The following RIMKLB variants were observed in gnomAD, a reference collection of about 807,000 sequenced individuals.
The protein encoded by RIMKLB is ribosomal modification protein rimK like family member B, also known as beta-citrylglutamate synthase B.
In RIMKLB, 7 loss-of-function variants were observed where a neutral mutation model predicts 32.0. That is an observed-to-expected ratio of 0.22 (90% CI 0.12 to 0.41). RIMKLB has a LOEUF of 0.41. Among genes scored for constraint, RIMKLB ranks in the 10% least tolerant of loss-of-function variants. RIMKLB has a pLI of 1.00. For synonymous variants in RIMKLB, 172 were observed against 185.1 expected (o/e 0.93, Z 0.57); for missense variants, 289 against 498.7 (o/e 0.58, Z 4.00).
the RIMKLB span, among the ~76,000 whole-genome samples, chr12:8,670,822 T>A: frequency 6.6e-6 from 1 of 152,232 alleles, no homozygotes; most frequent in East Asian, 1.9e-4. Flanking sequence ...GCAGCAAACT[T>A]TTGCTTGGGC....
At chr12:8,693,114 A>T (rs1591605226), upstream of RIMKLB, among the ~76,000 whole-genome samples, 1 of 152,190 alleles carries the variant, frequency 6.6e-6, no homozygotes, top group African/African-American at 2.4e-5. Context: ...TTTGCAACAG[A>T]TGATGTGTAT....
intron 5 of RIMKLB, among the ~76,000 whole-genome samples, chr12:8,758,086 T>C (rs12306562): frequency 0.067 from 10,127 of 152,052 alleles, 1,100 homozygotes; most frequent in African/African-American, 0.22. Flanking sequence ...CGTGAGCCAC[T>C]GCGCCTGGCC....
downstream of RIMKLB, chr12:8,777,720 T>A (rs1346883984): frequency 7.1e-6 from 9 of 1,260,116 alleles, no homozygotes; most frequent in Non-Finnish European, 9.3e-6. Flanking sequence ...CCTTCTAAAC[T>A]CCCCTTCCCC....
chr12:8,744,052 C>T (rs1284695878), intron 2 of RIMKLB, among the ~76,000 whole-genome samples: 1 of 151,888 alleles, frequency 6.6e-6, no homozygotes, highest in African/African-American at 2.4e-5. Flanking sequence ...CAATTATGTG[C>T]ATCTGTTTAC....
At chr12:8,739,201 A>C (rs1168051631) in intron 2 of RIMKLB, among the ~76,000 whole-genome samples, 1 of 152,144 alleles carries the variant, frequency 6.6e-6, no homozygotes, top group Non-Finnish European at 1.5e-5. Context: ...GGTAAGTTCG[A>C]TATCAAGGTA....
intron 1 of RIMKLB, among the ~76,000 whole-genome samples, chr12:8,702,765 A>G (rs1029782182): frequency 6.6e-6 from 1 of 152,224 alleles, no homozygotes; most frequent in African/African-American, 2.4e-5. Context: ...CATGTGATTT[A>G]GTTAGCCATA....
chr12:8,671,260 T>C, the RIMKLB span, among the ~76,000 whole-genome samples: 1 of 152,126 alleles, frequency 6.6e-6, no homozygotes, highest in Non-Finnish European at 1.5e-5. Context: ...CTTTCTTCTT[T>C]TTTTTTTTAT....
intron 5 of RIMKLB, among the ~76,000 whole-genome samples, chr12:8,761,460 GAGGGGACCCAA>G (rs1257316519): frequency 6.6e-6 from 1 of 152,006 alleles, no homozygotes; most frequent in Non-Finnish European, 1.5e-5. Flanking sequence ...CATAAAATGG[GAGGGGACCCAA>G]AGGGGATTGT....
At chr12:8,692,158 G>A (rs961755385) in intron 1 of RIMKLB, among the ~76,000 whole-genome samples, 1 of 152,104 alleles carries the variant, frequency 6.6e-6, no homozygotes, top group Non-Finnish European at 1.5e-5. Context: ...GGGAAATCAG[G>A]ACTAGGAAAT....
chr12:8,757,470 C>CAAAAAA (rs55670138), intron 5 of RIMKLB, among the ~76,000 whole-genome samples: 16 of 71,414 alleles, frequency 2.2e-4, no homozygotes, highest in African/African-American at 7.4e-4. Context: ...GACCCTGTCT[C>CAAAAAA]AAAAAAAAAA....
chr12:8,713,660 T>C, intron 1 of RIMKLB, 151 bp from the exon 2 acceptor site: 1 of 545,122 alleles, frequency 1.8e-6, no homozygotes, highest in Non-Finnish European at 3.3e-6. Flanking sequence ...GTATAAAAAT[T>C]TTAGTTTGAA....
At chr12:8,746,598 CAAAA>C (rs1185862870) in intron 2 of RIMKLB, among the ~76,000 whole-genome samples, 74 of 54,958 alleles carry the variant, frequency 1.3e-3, no homozygotes, top group Non-Finnish European at 2.5e-3. Flanking sequence ...GACTCTGTCT[CAAAA>C]AAAAAAAAAA....
chr12:8,748,562 A>G (rs1463827796), intron 2 of RIMKLB, among the ~76,000 whole-genome samples: 4 of 126,906 alleles, frequency 3.2e-5, no homozygotes, highest in Non-Finnish European at 5.1e-5. Flanking sequence ...GTGTGTGCAT[A>G]TATATATATA....
At chr12:8,780,296 G>A (rs1471029481), downstream of RIMKLB, 3 of 152,190 alleles carry the variant, frequency 2.0e-5, no homozygotes, top group Non-Finnish European at 2.9e-5. Context: ...AAACAGACAA[G>A]AAAATGGCTT....
intron 5 of RIMKLB, among the ~76,000 whole-genome samples, chr12:8,761,745 C>A (rs898554741): frequency 6.6e-6 from 1 of 152,044 alleles, no homozygotes; most frequent in Non-Finnish European, 1.5e-5. Flanking sequence ...GTCTGTCAGT[C>A]CCCCCTCTCA....
chr12:8,774,533 GT>G lies in RIMKLB; in HGVS notation c.*753del. The G allele has an allele frequency of 1.0e-6, 1 of 959,062 alleles. No individual in the cohort carries two copies. The highest frequency in any genetic ancestry group is 1.2e-6 in the Non-Finnish European group (1 of 811,040). 59.4% of individuals were successfully genotyped at this position (959,062 alleles called of 1,614,324 possible). On this transcript the variant is annotated 3_prime_UTR_variant, in exon 6 of 6. Transcript: ENST00000535829. The stretch of plus-strand genomic sequence containing the variant: ...TGTGCATTCACTTGTATTTGTTAGT[GT>G]TTTAGTCTTTTTTGAAAGATGTGCT...
At chr12:8,710,455 G>A (rs1344486705) in intron 1 of RIMKLB, among the ~76,000 whole-genome samples, 1 of 151,660 alleles carries the variant, frequency 6.6e-6, no homozygotes, top group Non-Finnish European at 1.5e-5. Flanking sequence ...TTACAGGCAT[G>A]TACTGCCACA....
rs1318302083 is a variant in RIMKLB at position 8,728,784 on chromosome 12, TG to T, written c.175+14744del. ...CTAATTGTGTGTGTGTGTGTGTGTG[TG>T]TGTTTTTGTTTGTTTGTTTGTTTGT... On this transcript the variant is annotated intron_variant, in intron 2 of 5. Transcript: ENST00000535829. Among the ~76,000 whole-genome samples, 483 of 151,502 alleles carry T rather than the reference TG, an allele frequency of 3.2e-3. 6 individuals carry two copies. Among genetic ancestry groups the T allele is most frequent in the African/African-American group, 0.011 (453 of 40,962 alleles).
intron 5 of RIMKLB, among the ~76,000 whole-genome samples, chr12:8,758,753 T>G (rs1949285973): frequency 6.6e-6 from 1 of 152,210 alleles, no homozygotes; most frequent in Non-Finnish European, 1.5e-5. Context: ...TCGAAATGAA[T>G]AACCGGTTGT....
Sources: allele counts gnomAD v4.1 joint callset (sites outside exome capture counted in the v4.1 genomes callset), GRCh38; gene constraint gnomAD v4.1.1; transcripts MANE v1.5; gene names NCBI Gene and HGNC (gene_info 2026-07-23, HGNC 2026-07-21).